Variants in NEDD9 observed in about 807,000 individuals in gnomAD.
The protein encoded by NEDD9 is neural precursor cell expressed, developmentally down-regulated 9.
A neutral mutation model predicts 76.6 loss-of-function variants in NEDD9; 26 were observed. The observed-to-expected ratio is 0.34, with a 90% CI of 0.25 to 0.47. The LOEUF (loss-of-function observed/expected upper bound fraction) is 0.47. NEDD9 is among the 20% of genes least tolerant of loss of function. The pLI is 1.00. For missense variants in NEDD9, 937 were observed against 1,058.5 expected (o/e 0.89, Z 1.59); for synonymous variants, 392 against 414.2 (o/e 0.95, Z 0.65).
chr6:11,356,752 C>A (rs1762584592), intron 1 of NEDD9, among the ~76,000 whole-genome samples: 1 of 150,292 alleles, frequency 6.7e-6, no homozygotes, highest in Non-Finnish European at 1.5e-5. Context: ...TCCCCTCCCC[C>A]TGGTATAGCA....
intron 2 of NEDD9, among the ~76,000 whole-genome samples, chr6:11,317,849 G>A (rs1459305999): frequency 2.6e-5 from 4 of 152,156 alleles, no homozygotes; most frequent in African/African-American, 9.7e-5. Context: ...ATTATTCTGG[G>A]TGTTCTGAGG....
At chr6:11,377,801 C>A (rs1582057890) in intron 1 of NEDD9, among the ~76,000 whole-genome samples, 1 of 152,298 alleles carries the variant, frequency 6.6e-6, no homozygotes, top group East Asian at 1.9e-4. Flanking sequence ...CATTTGTCCC[C>A]TCCAAGTCTC....
chr6:11,319,750 TAA>T, intron 2 of NEDD9, among the ~76,000 whole-genome samples: 2 of 71,430 alleles, frequency 2.8e-5, no homozygotes, highest in East Asian at 2.7e-3. Context: ...ACACACACAC[TAA>T]CATGCACACT....
At chr6:11,365,121 G>C (rs1762738732) in intron 1 of NEDD9, among the ~76,000 whole-genome samples, 1 of 152,024 alleles carries the variant, frequency 6.6e-6, no homozygotes, top group Non-Finnish European at 1.5e-5. Flanking sequence ...GGAACACGCT[G>C]TCTGACAAAC....
chr6:11,192,300 C>T, intron 4 of NEDD9, 45 bp downstream of exon 4: 1 of 581,162 alleles, frequency 1.7e-6, no homozygotes, highest in Non-Finnish European at 2.8e-6. Flanking sequence ...GACACACAGA[C>T]ACACACACAC....
chr6:11,297,677 T>G (rs1582006266), intron 3 of NEDD9, among the ~76,000 whole-genome samples: 1 of 152,336 alleles, frequency 6.6e-6, no homozygotes, highest in South Asian at 2.1e-4. Flanking sequence ...GCTATAAAAC[T>G]CAGGAAGCTT....
intron 3 of NEDD9, among the ~76,000 whole-genome samples, chr6:11,283,464 A>C (rs1002863018): frequency 1.3e-5 from 2 of 152,234 alleles, no homozygotes; most frequent in African/African-American, 4.8e-5. Flanking sequence ...CTGTTATTGT[A>C]GATCAGGGAA....
intron 1 of NEDD9, among the ~76,000 whole-genome samples, chr6:11,345,634 A>G (rs1762350637): frequency 6.6e-6 from 1 of 152,192 alleles, no homozygotes; most frequent in South Asian, 2.1e-4. Context: ...AACTGCTCTT[A>G]GCTCTCCTGT....
chr6:11,259,346 T>C (rs1216964385), intron 3 of NEDD9, among the ~76,000 whole-genome samples: 3 of 152,200 alleles, frequency 2.0e-5, no homozygotes, highest in Non-Finnish European at 4.4e-5. Flanking sequence ...CTCAAGTTTT[T>C]AACACAGCAA....
chr6:11,322,884 C>A (rs560754104), intron 2 of NEDD9, among the ~76,000 whole-genome samples: 1 of 152,340 alleles, frequency 6.6e-6, no homozygotes, highest in South Asian at 2.1e-4. Flanking sequence ...TAGAAAAGGT[C>A]TTAGACCAGC....
chr6:11,196,712 G>A (rs1192456077), intron 2 of NEDD9, among the ~76,000 whole-genome samples: 1 of 151,930 alleles, frequency 6.6e-6, no homozygotes, highest in Non-Finnish European at 1.5e-5. Context: ...CGCCACCACC[G>A]ATTCCAGCCT....
intron 3 of NEDD9, among the ~76,000 whole-genome samples, chr6:11,278,482 C>T (rs374434453): frequency 6.6e-6 from 1 of 152,222 alleles, no homozygotes; most frequent in Non-Finnish European, 1.5e-5. Context: ...ACCACTGGTC[C>T]TTTCTACCTC....
At chr6:11,185,816 C>T (rs17495074) in intron 6 of NEDD9, 145 bp from the exon 7 acceptor site, 153,316 of 897,168 alleles carry the variant, frequency 0.17, 14,703 homozygotes, top group Middle Eastern at 0.2. Flanking sequence ...GGTCAAGCTG[C>T]CTTGCTTTCC....
chr6:11,355,881 C>T (rs965332910), intron 1 of NEDD9, among the ~76,000 whole-genome samples: 26 of 149,282 alleles, frequency 1.7e-4, no homozygotes, highest in Admixed American at 6.6e-4. Flanking sequence ...CCACCACGCC[C>T]GGCTAATTTT....
At chr6:11,240,041 T>TA (rs1759680798) in intron 3 of NEDD9, among the ~76,000 whole-genome samples, 5 of 79,404 alleles carry the variant, frequency 6.3e-5, no homozygotes, top group South Asian at 4.7e-4. Flanking sequence ...AGACTTCATC[T>TA]CAAAAAAAAA....
chr6:11,355,897 T>A (rs983898948), intron 1 of NEDD9, among the ~76,000 whole-genome samples: 1 of 141,488 alleles, frequency 7.1e-6, no homozygotes, highest in Non-Finnish European at 1.5e-5. Context: ...ATTTTTTGTA[T>A]TTTTTAGTAG....
chr6:11,232,848 G>A (rs182875431), upstream of NEDD9, among the ~76,000 whole-genome samples: 1 of 151,784 alleles, frequency 6.6e-6, no homozygotes, highest in East Asian at 1.9e-4. Flanking sequence ...AAATAAAACA[G>A]AAAGTGGGGA....
At chr6:11,327,047 T>G (rs1434211933) in intron 2 of NEDD9, among the ~76,000 whole-genome samples, 2 of 152,194 alleles carry the variant, frequency 1.3e-5, no homozygotes, top group Non-Finnish European at 2.9e-5. Context: ...GGATTTCTTT[T>G]GAGAGCGACA....
chr6:11,291,680 T>G (rs1252672206), intron 3 of NEDD9, among the ~76,000 whole-genome samples: 1 of 152,128 alleles, frequency 6.6e-6, no homozygotes, highest in Non-Finnish European at 1.5e-5. Flanking sequence ...AAAACCCAAG[T>G]GGGCGTTGGA....
Sources: gnomAD v4.1 joint callset for allele counts (sites outside exome capture counted in the v4.1 genomes callset) on GRCh38, gnomAD v4.1.1 for gene constraint, MANE v1.5 for transcripts, NCBI Gene and HGNC (gene_info 2026-07-23, HGNC 2026-07-21) for gene names.